Variants in SPTBN4 observed in about 807,000 individuals in gnomAD.
The protein encoded by SPTBN4 is spectrin beta chain, non-erythrocytic 4.
SPTBN4 carries 96 observed loss-of-function variants against 277.8 expected under a neutral mutation model. That is an observed-to-expected ratio of 0.35 (90% CI 0.29 to 0.41). The LOEUF is 0.41. Ranked by LOEUF, SPTBN4 falls within the 10% of genes least tolerant of loss-of-function variation. The pLI, the probability that SPTBN4 is intolerant of heterozygous loss-of-function variation, is 1.00. For synonymous variants in SPTBN4, 1,481 were observed against 1,580.3 expected, an observed-to-expected ratio of 0.94 and a Z score of 1.49; for missense variants, 3,006 against 3,595.7, an observed-to-expected ratio of 0.84 and a Z score of 4.19.
chr19:40,534,683 G>A, intron 20 of SPTBN4: 1 of 282,474 alleles, frequency 3.5e-6, no homozygotes, highest in Non-Finnish European at 6.9e-6. Flanking sequence ...GCTTTGCATG[G>A]AATAACAATG....
intron 5 of SPTBN4, among the ~76,000 whole-genome samples, chr19:40,494,550 G>C (rs111073422): frequency 0.033 from 4,912 of 150,954 alleles, 155 homozygotes; most frequent in African/African-American, 0.081. Context: ...ATGTATGTAT[G>C]TATCTATCTA....
At position 40,567,726 on chromosome 19, in the gene SPTBN4, T is replaced by G. The variant is rs2081109125; in HGVS notation, c.6400T>G (p.Phe2134Val). The G allele has an allele frequency of 1.3e-6, 2 of 1,559,342 alleles. No individual in the cohort carries two copies. The highest frequency in any genetic ancestry group is 2.8e-5 in the African/African-American group (2 of 71,330). ...PPTPLLGRKF[F>V]GDPTELAAKA... is the part of the protein sequence containing the mutation. ...TACCCCACTGCTGGGGCGCAAGTTC[T>G]TTGGGGACCCCACGGAACTGGCGGC... Residue 2134 changes from phenylalanine to valine, a missense_variant, in exon 31 of 36, where the codon TTT (phenylalanine) becomes GTT (valine). By Grantham distance (50) the Phe-to-Val change is conservative. Transcript: ENST00000598249.
Position 40,512,833 on chromosome 19 carries a change from G to A in SPTBN4, c.2044G>A (p.Ala682Thr). The part of the protein sequence containing the change: ...GGGAAGAAGA[A>T]GTAGGAHDLS... ...CGGTGCGGCGGGCGCAGCGGGCGCAGCGGGAACAGCGGGCGGCGCGCATGA... is the reference window on the plus strand; with the variant it reads ...CGGTGCGGCGGGCGCAGCGGGCGCAACGGGAACAGCGGGCGGCGCGCATGA... The change falls in exon 14 of 36, where the codon GCG (alanine) becomes ACG (threonine). Residue 682 changes from alanine (A) to threonine (T), a missense_variant. By Grantham distance (58) the Ala-to-Thr change is moderately conservative. Coordinates refer to ENST00000598249, the MANE Select transcript of SPTBN4 (RefSeq NM_020971.3). 6.9e-7 allele frequency: 1 copy of A among 1,455,202 alleles called. No homozygotes were observed. Among genetic ancestry groups the A allele is most frequent in the Non-Finnish European group, 9.0e-7 (1 of 1,116,838 alleles). 90.1% of individuals were successfully genotyped at this position (1,455,202 alleles called of 1,614,324 possible).
At chr19:40,509,216 C>T (rs556120236) in intron 13 of SPTBN4, among the ~76,000 whole-genome samples, 3 of 151,344 alleles carry the variant, frequency 2.0e-5, no homozygotes, top group African/African-American at 7.3e-5. Flanking sequence ...GCCATTGTCC[C>T]TGGCCATTTC....
intron 2 of SPTBN4, among the ~76,000 whole-genome samples, chr19:40,473,354 G>GTTTTTT (rs61584591): frequency 0.14 from 14,280 of 98,530 alleles, 1,455 homozygotes; most frequent in Non-Finnish European, 0.19. Flanking sequence ...CTGGCCTGGT[G>GTTTTTT]TTTTTTTTTT....
intron 1 of SPTBN4, among the ~76,000 whole-genome samples, chr19:40,468,397 G>T (rs2079850330): frequency 6.6e-6 from 1 of 151,896 alleles, no homozygotes; most frequent in Non-Finnish European, 1.5e-5. Context: ...GTGTGTGTGT[G>T]ACAGAGTTTC....
chr19:40,536,140 A>G (rs1018080429), intron 20 of SPTBN4, among the ~76,000 whole-genome samples: 2 of 151,974 alleles, frequency 1.3e-5, no homozygotes, highest in Non-Finnish European at 2.9e-5. Flanking sequence ...GTGATGGCCA[A>G]TGGGGTCAGT....
At chr19:40,517,287 C>CT (rs111288089) in intron 15 of SPTBN4, among the ~76,000 whole-genome samples, 325 of 145,306 alleles carry the variant, frequency 2.2e-3, no homozygotes, top group South Asian at 9.4e-3. Flanking sequence ...AGACTGTGCT[C>CT]TTTTTTTTTT....
chr19:40,515,376 T>C lies in SPTBN4; in HGVS notation c.2831T>C (p.Val944Ala), dbSNP rs777576468. 1.2e-6 allele frequency: 2 copies of C among 1,606,674 alleles called. No individual in the cohort carries two copies. Among genetic ancestry groups the C allele is most frequent in the Non-Finnish European group, 1.7e-6 (2 of 1,176,754 alleles). The change falls in exon 15 of 36, where the codon GTC becomes GCC. Residue 944 changes from valine to alanine, a missense_variant. Coordinates refer to ENST00000598249, the MANE Select transcript of SPTBN4 (RefSeq NM_020971.3). This position sits in a 1 kb window ranked among gnomAD's most constrained non-coding sequence, Gnocchi z 4.1. The stretch of plus-strand genomic sequence containing the variant: ...CGCGTTCTGGACGTGAACCACACAG[T>C]CCAGGAGCTGGTGGAAGGAGGCCAC... Reference protein sequence around the residue: ...MGRVLDVNHTVQELVEGGHPS... With the variant: ...MGRVLDVNHTAQELVEGGHPS...
chr19:40,571,884 CCAA>C, intron 33 of SPTBN4, 132 bp from the exon 34 acceptor site: 1 of 1,014,242 alleles, frequency 9.9e-7, no homozygotes, highest in South Asian at 2.1e-5. Flanking sequence ...CATTTTAGGT[CCAA>C]CTAGGGCGCA....
chr19:40,518,134 C>T (rs1000849820), intron 15 of SPTBN4, among the ~76,000 whole-genome samples: 1 of 152,014 alleles, frequency 6.6e-6, no homozygotes, highest in Non-Finnish European at 1.5e-5. Flanking sequence ...GATGAAACCC[C>T]ATCTCTATTA....
At chr19:40,529,245 C>A in intron 18 of SPTBN4, 114 bp downstream of exon 18, 1 of 1,046,804 alleles carries the variant, frequency 9.6e-7, no homozygotes, top group Non-Finnish European at 1.4e-6. Flanking sequence ...CGGAGCGATG[C>A]TCGCTCTAAG....
intron 25 of SPTBN4, 21 bp from the exon 26 acceptor site, chr19:40,557,002 C>CG: frequency 2.0e-6 from 3 of 1,524,988 alleles, no homozygotes; most frequent in Non-Finnish European, 1.8e-6. Context: ...CTGTACCCCC[C>CG]CCCCCACTTC....
At chr19:40,567,631 C>T (rs1434122779) in intron 30 of SPTBN4, 32 bp from the exon 31 acceptor site, 2 of 1,442,044 alleles carry the variant, frequency 1.4e-6, no homozygotes, top group African/African-American at 1.5e-5. Flanking sequence ...GGCCCCACGC[C>T]TCCAACCTAA....
chr19:40,477,475 A>T (rs2079962203), intron 2 of SPTBN4, among the ~76,000 whole-genome samples: 1 of 152,242 alleles, frequency 6.6e-6, no homozygotes, highest in Non-Finnish European at 1.5e-5. Context: ...AGTGAGAGAG[A>T]GAGATCCGGT....
intron 3 of SPTBN4, among the ~76,000 whole-genome samples, chr19:40,489,536 G>A (rs977364593): frequency 1.3e-5 from 2 of 152,056 alleles, no homozygotes; most frequent in African/African-American, 4.8e-5. Context: ...GCGGGAGCGC[G>A]CTACCAAGCC....
intron 22 of SPTBN4, among the ~76,000 whole-genome samples, chr19:40,550,931 C>A (rs2080911625): frequency 6.6e-6 from 1 of 152,212 alleles, no homozygotes; most frequent in Non-Finnish European, 1.5e-5. Context: ...AGAGAATTTC[C>A]CACCTCAATA....
At chr19:40,568,426 G>A (rs2081119156) in intron 31 of SPTBN4, 144 bp downstream of exon 31, 5 of 1,186,902 alleles carry the variant, frequency 4.2e-6, no homozygotes, top group Non-Finnish European at 5.7e-6. Flanking sequence ...TTGCAGAGGT[G>A]TAAACTGAAG....
rs965389955 is a variant in SPTBN4, at chr19:40,532,839, C to T, written c.4095+68C>T. The T allele has an allele frequency of 3.7e-5, 56 of 1,505,778 alleles. 1 individual carries two copies. In the East Asian group the frequency reaches 1.3e-3, roughly 36 times the overall value. The allele number at this position is 1,505,778 out of a possible 1,614,324, so 93.3% of individuals were successfully genotyped here. A position where few individuals can be genotyped will look rare whatever the true frequency, so the allele number is the denominator to read the frequency against. ...GGCCTCCAGGGAGCCCACGTCTCAC[C>T]TGCTGCACCCGCTGCTGCCATCCTG... On this transcript the variant is annotated intron_variant, in intron 19 of 35. Coordinates refer to ENST00000598249, the MANE Select transcript of SPTBN4 (RefSeq NM_020971.3).
Sources: allele counts gnomAD v4.1 joint callset (sites outside exome capture counted in the v4.1 genomes callset), GRCh38; gene constraint gnomAD v4.1.1; non-coding constraint Gnocchi (gnomAD v3.1); transcripts MANE v1.5; gene names NCBI Gene and HGNC (gene_info 2026-07-23, HGNC 2026-07-21).